Variants in PPP5C observed in about 807,000 individuals in gnomAD.
PPP5C encodes the protein serine/threonine-protein phosphatase 5.
In PPP5C, 21 loss-of-function variants were observed where a neutral mutation model predicts 66.7. That is an observed-to-expected ratio of 0.31 (90% confidence interval 0.22 to 0.45). The LOEUF (loss-of-function observed/expected upper bound fraction) is 0.45, where lower values mean the gene tolerates loss of function less well. Ranked by LOEUF, PPP5C falls within the 20% of genes least tolerant of loss-of-function variation. PPP5C has a pLI of 1.00. For synonymous variants in PPP5C, 246 were observed against 257.4 expected, an observed-to-expected ratio of 0.96 and a Z score of 0.43; for missense variants, 464 against 675.9, an observed-to-expected ratio of 0.69 and a Z score of 3.48.
intron 7 of PPP5C, among the ~76,000 whole-genome samples, chr19:46,385,785 A>G (rs953561008): frequency 1.4e-4 from 21 of 151,870 alleles, no homozygotes; most frequent in Non-Finnish European, 2.7e-4. Flanking sequence ...GTCTAAAAAA[A>G]AAAAAAAAAG....
At position 46,363,490 on chromosome 19, in the gene PPP5C, C is replaced by T. The variant is rs1398591254; in HGVS notation, c.363+9501C>T. Reference sequence around the variant, plus strand: ...CTGTCGCCAGGCTGGAGAGCAGTGGCGCGATCTCGGCTCACTGCAATCTCT... The same window carrying T: ...CTGTCGCCAGGCTGGAGAGCAGTGGTGCGATCTCGGCTCACTGCAATCTCT... On this transcript the variant is annotated intron_variant, in intron 2 of 12. Transcript: ENST00000012443. Among the ~76,000 whole-genome samples, 10 of 151,602 alleles carry T rather than the reference C, an allele frequency of 6.6e-5. No homozygotes were observed. The East Asian group carries it at 2.0e-3, about 30-fold the overall frequency.
intron 2 of PPP5C, among the ~76,000 whole-genome samples, chr19:46,355,830 G>A (rs1224127600): frequency 6.6e-6 from 1 of 152,094 alleles, no homozygotes; most frequent in African/African-American, 2.4e-5. Context: ...TGGGAAGGGG[G>A]CCTGGGGAGA....
intron 2 of PPP5C, among the ~76,000 whole-genome samples, chr19:46,374,809 G>T (rs1273761947): frequency 6.6e-6 from 1 of 152,150 alleles, no homozygotes; most frequent in African/African-American, 2.4e-5. Context: ...TCTTGAGGGA[G>T]ATATATATGG....
In PPP5C at chr19:46,390,689, GC is replaced by G. The variant is rs2147412521; in HGVS notation, c.*347del. 8.3e-7 allele frequency: 1 copy of G among 1,210,696 alleles called. No individual in the cohort carries two copies. Among genetic ancestry groups the G allele is most frequent in the Non-Finnish European group, 1.0e-6 (1 of 958,862 alleles). The allele number at this position is 1,210,696 out of a possible 1,614,324, so 75.0% of individuals were successfully genotyped here. ...GCTCCTCCCCCACTCAAGCAATAGGGCCCCGCCATAGGAAGACCCCCAGAGA... is the reference window on the plus strand; with the variant it reads ...GCTCCTCCCCCACTCAAGCAATAGGGCCCGCCATAGGAAGACCCCCAGAGA... On this transcript the variant is annotated 3_prime_UTR_variant, in exon 13 of 13. Transcript: ENST00000012443.
intron 4 of PPP5C, among the ~76,000 whole-genome samples, chr19:46,378,528 A>G (rs1972735332): frequency 6.6e-6 from 1 of 152,226 alleles, no homozygotes; most frequent in South Asian, 2.1e-4. Context: ...CTAATTGCTC[A>G]ATCATTTATT....
intron 2 of PPP5C, among the ~76,000 whole-genome samples, chr19:46,354,796 C>CA (rs1241894404): frequency 0.011 from 1,568 of 139,876 alleles, 27 homozygotes; most frequent in African/African-American, 0.037. Flanking sequence ...GACCCTGTCT[C>CA]AAAAAAAAAA....
intron 2 of PPP5C, among the ~76,000 whole-genome samples, chr19:46,369,891 A>T (rs1452563042): frequency 7.0e-6 from 1 of 143,040 alleles, no homozygotes; most frequent in Non-Finnish European, 1.5e-5. Context: ...AAGCCATTGC[A>T]CTCCAGCCTG....
rs548812121 is a variant in PPP5C, at chr19:46,386,992, G to T, written c.905-101G>T. On this transcript the variant is annotated intron_variant, in intron 7 of 12. Coordinates refer to ENST00000012443, the MANE Select transcript of PPP5C (RefSeq NM_006247.4). ...AGTGGCAAGTGCGAGGCCCATGGGG[G>T]CAAGGGACGCATGCACAGTTCTGGG... 25 of 1,541,052 alleles carry T rather than the reference G, an allele frequency of 1.6e-5. No individual in the cohort carries two copies. In the South Asian group the frequency reaches 2.8e-4, roughly 17 times the overall value.
chr19:46,374,189 T>A (rs922833815), intron 2 of PPP5C, among the ~76,000 whole-genome samples: 6 of 152,170 alleles, frequency 3.9e-5, no homozygotes, highest in Non-Finnish European at 8.8e-5. Flanking sequence ...CTGCTGGGCC[T>A]GGGCTCTTCT....
At position 46,388,673 on chromosome 19, in the gene PPP5C, G is replaced by A; in HGVS notation, c.1297G>A (p.Gly433Ser). The A allele has an allele frequency of 6.2e-7, 1 of 1,614,186 alleles. No homozygotes were observed. The highest frequency in any genetic ancestry group is 8.5e-7 in the Non-Finnish European group (1 of 1,180,022). ...IIRSHEVKAE[G>S]YEVAHGGRCV... Reference sequence around the variant, plus strand: ...CCGCAGCCACGAAGTCAAGGCCGAGGGCTACGAGGTGGCTCACGGAGGCCG... The same window carrying A: ...CCGCAGCCACGAAGTCAAGGCCGAGAGCTACGAGGTGGCTCACGGAGGCCG... Residue 433 changes from glycine to serine, a missense_variant, in exon 11 of 13, where the codon GGC becomes AGC. Transcript: ENST00000012443. This position sits in a 1 kb window ranked among gnomAD's most constrained non-coding sequence, Gnocchi z 4.9.
chr19:46,383,536 G>C lies in PPP5C; in HGVS notation c.699+60G>C. The C allele has an allele frequency of 2.0e-6, 3 of 1,478,364 alleles. No homozygotes were observed. Among genetic ancestry groups the C allele is most frequent in the Non-Finnish European group, 2.8e-6 (3 of 1,085,658 alleles). 91.6% of individuals were successfully genotyped at this position (1,478,364 alleles called of 1,614,324 possible). The stretch of plus-strand genomic sequence containing the variant: ...GGGGGTGGGCTCTCTGGCTGGGGAG[G>C]GGCCACAGAGCTCAGGAACTCACGG... On this transcript the variant is annotated intron_variant, in intron 5 of 12. Transcript: ENST00000012443. This position sits in a 1 kb window ranked among gnomAD's most constrained non-coding sequence, Gnocchi z 5.0.
At chr19:46,384,451 C>A in intron 6 of PPP5C, 1 of 297,586 alleles carries the variant, frequency 3.4e-6, no homozygotes, top group South Asian at 4.0e-5. Flanking sequence ...AGTGGGAGGG[C>A]CCGTGTCCCA....
At position 46,384,475 on chromosome 19, in the gene PPP5C, T is replaced by A. The variant is rs902230044; in HGVS notation, c.799-329T>A. 1.2e-5 allele frequency: 4 copies of A among 322,238 alleles called. No individual in the cohort carries two copies. In the Admixed American group the frequency reaches 1.7e-4, roughly 13 times the overall value. 20.0% of individuals were successfully genotyped at this position (322,238 alleles called of 1,614,324 possible). A position where few individuals can be genotyped will look rare whatever the true frequency, so the allele number is the denominator to read the frequency against. Reference sequence around the variant, plus strand: ...GCCCGTGTCCCATCTCCCCCATGGCTCCAGGCCTCTCTGAGGAGAGCTGAA... The same window carrying A: ...GCCCGTGTCCCATCTCCCCCATGGCACCAGGCCTCTCTGAGGAGAGCTGAA... On this transcript the variant is annotated intron_variant, in intron 6 of 12. Coordinates refer to ENST00000012443, the MANE Select transcript of PPP5C (RefSeq NM_006247.4).
rs1972840703 is a variant in PPP5C at position 46,383,989 on chromosome 19, G to A, written c.798+111G>A. On this transcript the variant is annotated intron_variant, in intron 6 of 12. Transcript: ENST00000012443. This position sits in a 1 kb window ranked among gnomAD's most constrained non-coding sequence, Gnocchi z 5.0. ...CAGGAAAAGACGTGACCTTGGAAAG[G>A]AGAGGCCTGGCCATGCTGGGGCACC... 1.1e-6 allele frequency: 1 copy of A among 930,768 alleles called. No homozygotes were observed. The highest frequency in any genetic ancestry group is 1.7e-6 in the Non-Finnish European group (1 of 595,526). 57.7% of individuals were successfully genotyped at this position (930,768 alleles called of 1,614,324 possible).
chr19:46,387,640 C>G lies in PPP5C; in HGVS notation c.1135+187C>G, dbSNP rs148298129. On this transcript the variant is annotated intron_variant, in intron 9 of 12. Coordinates refer to ENST00000012443, the MANE Select transcript of PPP5C (RefSeq NM_006247.4). ...TCCTTCATGGGGCTGTGATGGCAAGCACGGTCGTGACCATGGTGCGGGGTG... is the reference window on the plus strand; with the variant it reads ...TCCTTCATGGGGCTGTGATGGCAAGGACGGTCGTGACCATGGTGCGGGGTG... 100 of 1,519,622 alleles carry G rather than the reference C, an allele frequency of 6.6e-5. No homozygotes were observed. The African/African-American group carries it at 1.3e-3, about 20-fold the overall frequency. 94.1% of individuals were successfully genotyped at this position (1,519,622 alleles called of 1,614,324 possible). A position where few individuals can be genotyped will look rare whatever the true frequency, so the allele number is the denominator to read the frequency against.
At chr19:46,384,061 G>A (rs1972842010) in intron 6 of PPP5C, 183 bp downstream of exon 6, 1 of 603,102 alleles carries the variant, frequency 1.7e-6, no homozygotes. Context: ...CAGGCTCCAG[G>A]CTCGGACAGG....
intron 1 of PPP5C, among the ~76,000 whole-genome samples, chr19:46,352,697 A>G (rs937740947): frequency 2.0e-5 from 3 of 151,860 alleles, no homozygotes; most frequent in African/African-American, 4.8e-5. Flanking sequence ...GCGGGCGCCT[A>G]TAGTCCCAGC....
At chr19:46,387,292 T>C in intron 8 of PPP5C, 57 bp downstream of exon 8, 6 of 1,612,842 alleles carry the variant, frequency 3.7e-6, no homozygotes, top group South Asian at 3.3e-5. Flanking sequence ...CCTGGGCAGA[T>C]GTGCTGGTGA....
At chr19:46,380,576 T>C (rs1267795751) in intron 4 of PPP5C, among the ~76,000 whole-genome samples, 1 of 152,244 alleles carries the variant, frequency 6.6e-6, no homozygotes, top group Non-Finnish European at 1.5e-5. Context: ...CTGAGTACTT[T>C]TAGCATTTCT....
Sources: allele counts gnomAD v4.1 joint callset (sites outside exome capture counted in the v4.1 genomes callset), GRCh38; gene constraint gnomAD v4.1.1; non-coding constraint Gnocchi (gnomAD v3.1); transcripts MANE v1.5; gene names NCBI Gene and HGNC (gene_info 2026-07-23, HGNC 2026-07-21).